TMPRSS15: variants seen among roughly 807,000 people sequenced by gnomAD.
The protein encoded by TMPRSS15 is transmembrane serine protease 15.
A neutral mutation model predicts 125.3 loss-of-function variants in TMPRSS15; 128 were observed. That is an observed-to-expected ratio of 1.02 (90% CI 0.89 to 1.18). The LOEUF (loss-of-function observed/expected upper bound fraction) is 1.18, where lower values mean the gene tolerates loss of function less well. Ranked by LOEUF, TMPRSS15 falls within the 50% of genes most tolerant of loss-of-function variation. TMPRSS15 has a pLI of 0.00. For synonymous variants in TMPRSS15, 446 were observed against 423.2 expected, an observed-to-expected ratio of 1.05 and a Z score of -0.66; for missense variants, 1,283 against 1,212.7, an observed-to-expected ratio of 1.06 and a Z score of -0.86.
rs566362244 is a variant in TMPRSS15, at chr21:18,408,839, GAAAAATTTGGCTGGATAT to G, written c.11-10528_11-10511del. On this transcript the variant is annotated intron_variant, in intron 1 of 7. Transcript: ENST00000422787. ...ATTTTTGTTTATTTTTTTGATCCTT[GAAAAATTTGGCTGGATAT>G]AAAAATTTGGTGCTATTCTCTGGTA... Among the ~76,000 whole-genome samples, 384 of 152,054 alleles carry G rather than the reference GAAAAATTTGGCTGGATAT, an allele frequency of 2.5e-3. 2 individuals carry two copies. The highest frequency in any genetic ancestry group is 8.8e-3 in the African/African-American group (366 of 41,518).
chr21:18,333,290 A>G lies in TMPRSS15; in HGVS notation c.1565-1117T>C, dbSNP rs114601397. Among the ~76,000 whole-genome samples, 1,100 of 152,318 alleles carry G rather than the reference A, an allele frequency of 7.2e-3. 13 individuals carry two copies. The highest frequency in any genetic ancestry group is 0.025 in the African/African-American group (1,025 of 41,572). On this transcript the variant is annotated intron_variant, in intron 13 of 24. Transcript: ENST00000284885. ...AAAAAAAATAGATAAGAACTTCTCA[A>G]AATTTCTTTAGCATTCTTATGGCCT...
intron 7 of TMPRSS15, among the ~76,000 whole-genome samples, chr21:18,364,071 A>G (rs2075703877): frequency 6.6e-6 from 1 of 152,074 alleles, no homozygotes; most frequent in African/African-American, 2.4e-5. Flanking sequence ...TACCTGGGTG[A>G]TTAGTTATTG....
At position 18,341,462 on chromosome 21, in the gene TMPRSS15, A is replaced by G. The variant is rs762418341; in HGVS notation, c.1515T>C (p.Ser505=). The G allele has an allele frequency of 1.9e-6, 3 of 1,613,860 alleles. No homozygotes were observed. The African/African-American group carries it at 4.0e-5, about 22-fold the overall frequency. The stretch of plus-strand genomic sequence containing the variant: ...GCACCAAAGTTGGTTCTGGATAAAG[A>G]CTCCCATTGCAAATCCCATATGTTA... ...ISLTYGICNG[S]LYPEPTLVPT... is the part of the protein sequence containing the mutation. Residue 505 remains serine (S), a synonymous_variant, in exon 13 of 25, where the codon AGT becomes AGC. Transcript: ENST00000284885.
intron 1 of TMPRSS15, among the ~76,000 whole-genome samples, chr21:18,428,796 G>T (rs1422571394): frequency 6.6e-6 from 1 of 152,200 alleles, no homozygotes; most frequent in African/African-American, 2.4e-5. Flanking sequence ...CTCTGCTAGG[G>T]CAGTGCAGAA....
chr21:18,391,028 C>T (rs2075986158), intron 3 of TMPRSS15, among the ~76,000 whole-genome samples: 1 of 152,100 alleles, frequency 6.6e-6, no homozygotes, highest in South Asian at 2.1e-4. Flanking sequence ...GTCATGAGAA[C>T]AGCATGTGGG....
intron 22 of TMPRSS15, 137 bp downstream of exon 22, chr21:18,280,903 C>A: frequency 1.1e-6 from 1 of 928,684 alleles, no homozygotes; most frequent in Non-Finnish European, 1.7e-6. Flanking sequence ...CTCCCTAATC[C>A]CATTTAAGTT....
chr21:18,442,138 G>A (rs1054501050), intron 1 of TMPRSS15, among the ~76,000 whole-genome samples: 7 of 152,104 alleles, frequency 4.6e-5, no homozygotes, highest in Admixed American at 6.5e-5. Flanking sequence ...CAATAATACT[G>A]TTTTACTTTA....
chr21:18,269,581 G>C lies in TMPRSS15; in HGVS notation c.*388C>G, dbSNP rs1326267379. Reference sequence around the variant, plus strand: ...TTATTTCCAACAGTGACATACTTTGGGAAAAACAATTTATTTTCTTTCTTT... The same window carrying C: ...TTATTTCCAACAGTGACATACTTTGCGAAAAACAATTTATTTTCTTTCTTT... On this transcript the variant is annotated 3_prime_UTR_variant, in exon 25 of 25. Transcript: ENST00000284885. 1 of 162,962 alleles carries C rather than the reference G, an allele frequency of 6.1e-6. No individual in the cohort carries two copies. Among genetic ancestry groups the C allele is most frequent in the Non-Finnish European group, 1.3e-5 (1 of 75,000 alleles). The allele number at this position is 162,962 out of a possible 1,614,324, so 10.1% of individuals were successfully genotyped here.
intron 1 of TMPRSS15, among the ~76,000 whole-genome samples, chr21:18,443,180 A>C (rs1289120825): frequency 6.6e-6 from 1 of 152,196 alleles, no homozygotes; most frequent in Non-Finnish European, 1.5e-5. Flanking sequence ...GAAAAGAAAA[A>C]ATAAAATAAA....
At chr21:18,322,364 C>T (rs1197394732) in intron 16 of TMPRSS15, among the ~76,000 whole-genome samples, 1 of 152,074 alleles carries the variant, frequency 6.6e-6, no homozygotes, top group African/African-American at 2.4e-5. Context: ...ATTCAGGAGC[C>T]CCTCTGCTGG....
chr21:18,438,383 G>A (rs1043064940), intron 1 of TMPRSS15, among the ~76,000 whole-genome samples: 3 of 151,274 alleles, frequency 2.0e-5, no homozygotes, highest in Admixed American at 1.3e-4. Flanking sequence ...GTTAAATGTC[G>A]AGTTAATGGG....
chr21:18,342,239 A>G (rs1023950417), intron 12 of TMPRSS15, among the ~76,000 whole-genome samples: 3 of 152,224 alleles, frequency 2.0e-5, no homozygotes, highest in African/African-American at 7.2e-5. Context: ...GGAAAGACAT[A>G]AATTGAATGT....
At chr21:18,413,594 T>C (rs1310418916) in intron 1 of TMPRSS15, among the ~76,000 whole-genome samples, 1 of 150,478 alleles carries the variant, frequency 6.6e-6, no homozygotes, top group Non-Finnish European at 1.5e-5. Flanking sequence ...CTTTTTTTTT[T>C]TTTTTTTCTA....
At position 18,403,659 on chromosome 21, in the gene TMPRSS15, A is replaced by G. The variant is rs765992555; in HGVS notation, c.-37T>C. On this transcript the variant is annotated 5_prime_UTR_variant, in exon 1 of 25. Coordinates refer to ENST00000284885, the MANE Select transcript of TMPRSS15 (RefSeq NM_002772.3). Reference sequence around the variant, plus strand: ...AAGGCTTGCTAATTTAAGAACTGAAAGAGAATATAAATAATTCTACCAACT... The same window carrying G: ...AAGGCTTGCTAATTTAAGAACTGAAGGAGAATATAAATAATTCTACCAACT... 2.5e-6 allele frequency: 4 copies of G among 1,613,436 alleles called. No homozygotes were observed. In the Admixed American group the frequency reaches 6.7e-5, roughly 27 times the overall value.
At chr21:18,360,265 A>T (rs1400010826) in intron 7 of TMPRSS15, among the ~76,000 whole-genome samples, 1 of 152,138 alleles carries the variant, frequency 6.6e-6, no homozygotes, top group Non-Finnish European at 1.5e-5. Flanking sequence ...TGTATGATAT[A>T]CAAGATTTCC....
intron 18 of TMPRSS15, among the ~76,000 whole-genome samples, chr21:18,308,269 C>T (rs1322173197): frequency 7.2e-5 from 11 of 151,912 alleles, no homozygotes; most frequent in Non-Finnish European, 1.0e-4. Context: ...TCTTTATCAA[C>T]AAAAATTGTT....
chr21:18,294,459 G>A lies in TMPRSS15; in HGVS notation c.2312-15C>T, dbSNP rs1227842596. ...TTTTCCACAAGCTATTAAAATAATT[G>A]GAGAAAGAGCATCTATTTCATTTTT... is the stretch of plus-strand genomic sequence containing the variant. On this transcript the variant is annotated splice_polypyrimidine_tract_variant and intron_variant, in intron 20 of 24. Transcript: ENST00000284885. 6.2e-7 allele frequency: 1 copy of A among 1,613,964 alleles called. No individual in the cohort carries two copies. Among genetic ancestry groups the A allele is most frequent in the Non-Finnish European group, 8.5e-7 (1 of 1,179,946 alleles).
intron 14 of TMPRSS15, among the ~76,000 whole-genome samples, chr21:18,330,386 G>A (rs141761342): frequency 2.0e-5 from 3 of 152,228 alleles, no homozygotes; most frequent in African/African-American, 7.2e-5. Flanking sequence ...AGACTCTCCA[G>A]TGCTCTCAGA....
Position 18,271,133 on chromosome 21 carries a change from G to A in TMPRSS15, c.2905-1009C>T, listed in dbSNP as rs113410714. Among the ~76,000 whole-genome samples the A allele has an allele frequency of 6.4e-3, 981 of 152,164 alleles. 5 individuals carry two copies. The highest frequency in any genetic ancestry group is 0.011 in the Non-Finnish European group (773 of 68,008). On this transcript the variant is annotated intron_variant, in intron 24 of 24. Transcript: ENST00000284885. The stretch of plus-strand genomic sequence containing the variant: ...ACATAAATTGCACTGGCGACCATAG[G>A]TTACCAACATTCTAGTGTAACAAAT...
Sources: allele counts gnomAD v4.1 joint callset (sites outside exome capture counted in the v4.1 genomes callset), GRCh38; gene constraint gnomAD v4.1.1; transcripts MANE v1.5; gene names NCBI Gene and HGNC (gene_info 2026-07-23, HGNC 2026-07-21).